OTOS: variants seen among roughly 807,000 people sequenced by gnomAD.
OTOS encodes otospiralin.
OTOS carries 14 observed loss-of-function variants against 12.5 expected under a neutral mutation model. That is an observed-to-expected ratio of 1.12 (90% CI 0.74 to 1.76). The LOEUF (loss-of-function observed/expected upper bound fraction) is 1.76, where lower values mean the gene tolerates loss of function less well. Ranked by LOEUF, OTOS falls within the 40% of genes most tolerant of loss-of-function variation. OTOS has a pLI of 0.00. For missense variants in OTOS, 141 were observed against 112.8 expected (o/e 1.25, Z -1.13); for synonymous variants, 49 against 47.6 (o/e 1.03, Z -0.12).
Position 240,139,204 on chromosome 2 carries a change from G to A in OTOS, c.236C>T (p.Thr79Met), listed in dbSNP as rs193100067. The A allele has an allele frequency of 2.7e-5, 43 of 1,614,012 alleles. No homozygotes were observed. In the Middle Eastern group the frequency reaches 5.0e-4, roughly 19 times the overall value. Residue 79 changes from threonine to methionine, a missense_variant, in exon 4 of 4, where the codon ACG becomes ATG. Coordinates refer to ENST00000319460, the MANE Select transcript of OTOS (RefSeq NM_148961.4). ...CTGATAGGGAACGTGGAAGCCCAGC[G>A]TGCTCCCCAGGGGGAAGTGGGCAAA... is the stretch of plus-strand genomic sequence containing the variant. The part of the protein sequence containing the change: ...TFFAHFPLGS[T>M]LGFHVPYQED
chr2:240,139,814 C>T (rs1265078601), intron 3 of OTOS, among the ~76,000 whole-genome samples: 1 of 152,124 alleles, frequency 6.6e-6, no homozygotes, highest in Non-Finnish European at 1.5e-5. Flanking sequence ...GGCCCTGGCT[C>T]CCCCTGCCCA....
chr2:240,140,461 G>A lies in OTOS; in HGVS notation c.-118-17C>T. On this transcript the variant is annotated splice_polypyrimidine_tract_variant and intron_variant, in intron 1 of 3. Transcript: ENST00000319460. ...TGGGCAGCCCTGGGGAAAATGGCATGGATTTAAAAAAAAAATTCTTACTGT... is the reference window on the plus strand; with the variant it reads ...TGGGCAGCCCTGGGGAAAATGGCATAGATTTAAAAAAAAAATTCTTACTGT... 2 of 852,352 alleles carry A rather than the reference G, an allele frequency of 2.3e-6. No homozygotes were observed. The highest frequency in any genetic ancestry group is 4.2e-5 in the South Asian group (2 of 48,192). The allele number at this position is 852,352 out of a possible 1,614,324, so 52.8% of individuals were successfully genotyped here.
In OTOS at chr2:240,140,276, A is replaced by AGGCCCCAGTAGGAGGCAGAGGGCC; in HGVS notation, c.27_50dup (p.Ala10_Pro17dup). ...TCCAGAGCGGCCCCTCACCTGCAAGAGGCCCCAGTAGGAGGCAGAGGGCCA... is the reference window on the plus strand; with the variant it reads ...TCCAGAGCGGCCCCTCACCTGCAAGAGGCCCCAGTAGGAGGCAGAGGGCCGGCCCCAGTAGGAGGCAGAGGGCCA... On this transcript the variant is annotated inframe_insertion, in exon 2 of 4. Coordinates refer to ENST00000319460, the MANE Select transcript of OTOS (RefSeq NM_148961.4). 6.3e-7 allele frequency: 1 copy of AGGCCCCAGTAGGAGGCAGAGGGCC among 1,594,904 alleles called. No individual in the cohort carries two copies. The highest frequency in any genetic ancestry group is 8.5e-7 in the Non-Finnish European group (1 of 1,170,606).
rs751382462 is a variant in OTOS, at chr2:240,140,340, C to T, written c.-14G>A. The T allele has an allele frequency of 7.0e-6, 11 of 1,571,906 alleles. No individual in the cohort carries two copies. The highest frequency in any genetic ancestry group is 9.5e-6 in the Non-Finnish European group (11 of 1,157,708). ...GCAGGCCTGCATCTTCCCGGTGCTT[C>T]CTGATCTGCGACTCAGGCCCACCTG... On this transcript the variant is annotated 5_prime_UTR_variant, in exon 2 of 4. Transcript: ENST00000319460.
chr2:240,139,257 G>A lies in OTOS; in HGVS notation c.183C>T (p.Pro61=), dbSNP rs1207157899. Residue 61 remains proline, a synonymous_variant, in exon 4 of 4, where the codon CCC becomes CCT. Coordinates refer to ENST00000319460, the MANE Select transcript of OTOS (RefSeq NM_148961.4). ...VQHFQALGAY[P]QIEDMARTFF... ...AGGTTCGGGCCATGTCCTCGATCTG[G>A]GGGTAGGCCCCCAGGGCCTGGAAGT... 1 of 1,614,194 alleles carries A rather than the reference G, an allele frequency of 6.2e-7. No homozygotes were observed.
Position 240,139,228 on chromosome 2 carries a change from A to C in OTOS, c.212T>G (p.Phe71Cys). ...PQIEDMARTF[F>C]AHFPLGSTLG... The stretch of plus-strand genomic sequence containing the variant: ...CGTGCTCCCCAGGGGGAAGTGGGCA[A>C]AGAAGGTTCGGGCCATGTCCTCGAT... The change falls in exon 4 of 4, where the codon TTT becomes TGT. Residue 71 changes from phenylalanine to cysteine, a missense_variant. Physicochemically the swap from Phe to Cys is radical, Grantham distance 205 (BLOSUM62 -2). Coordinates refer to ENST00000319460, the MANE Select transcript of OTOS (RefSeq NM_148961.4). 6.2e-7 allele frequency: 1 copy of C among 1,614,170 alleles called. No individual in the cohort carries two copies. The highest frequency in any genetic ancestry group is 8.5e-7 in the Non-Finnish European group (1 of 1,180,024).
Position 240,140,400 on chromosome 2 carries a change from A to G in OTOS, c.-74T>C. On this transcript the variant is annotated 5_prime_UTR_variant, in exon 2 of 4. An upstream start codon of the reference 5' UTR is lost. Transcript: ENST00000319460. Reference sequence around the variant, plus strand: ...GAACCCAGGAAGGGCGAGACCACCCATCCGTCAGGGCCGGCTTCCTCTACC... The same window carrying G: ...GAACCCAGGAAGGGCGAGACCACCCGTCCGTCAGGGCCGGCTTCCTCTACC... 1.4e-6 allele frequency: 2 copies of G among 1,460,956 alleles called. No individual in the cohort carries two copies. The highest frequency in any genetic ancestry group is 1.8e-6 in the Non-Finnish European group (2 of 1,087,374). 90.5% of individuals were successfully genotyped at this position (1,460,956 alleles called of 1,614,324 possible).
rs1262761660 is a variant in OTOS at position 240,139,134 on chromosome 2, C to A, written c.*36G>T. On this transcript the variant is annotated 3_prime_UTR_variant, in exon 4 of 4. Coordinates refer to ENST00000319460, the MANE Select transcript of OTOS (RefSeq NM_148961.4). ...CCTGTGGAGGCCCGACCGAGTGCAG[C>A]CTGGCGGGGTGGGCGGGCACCAGGC... 6.3e-7 allele frequency: 1 copy of A among 1,596,714 alleles called. No individual in the cohort carries two copies. Among genetic ancestry groups the A allele is most frequent in the Non-Finnish European group, 8.6e-7 (1 of 1,169,000 alleles).
In OTOS at chr2:240,140,166, G is replaced by A. The variant is rs1204154692; in HGVS notation, c.59-78C>T. 2.4e-5 allele frequency: 38 copies of A among 1,600,634 alleles called. No individual in the cohort carries two copies. The East Asian group carries it at 8.5e-4, about 36-fold the overall frequency. ...GGGCCCACCCGACACCAGCTGCAGG[G>A]CTCTAAGGTTTCCTAGCAGCCTGGG... On this transcript the variant is annotated intron_variant, in intron 2 of 3. Transcript: ENST00000319460.
At chr2:240,139,604 G>T (rs2072036426) in intron 3 of OTOS, among the ~76,000 whole-genome samples, 1 of 152,112 alleles carries the variant, frequency 6.6e-6, no homozygotes, top group African/African-American at 2.4e-5. Context: ...AGTTGTGTGG[G>T]GAGGGTGTGG....
Position 240,140,306 on chromosome 2 carries a change from C to T in OTOS, c.21G>A (p.Pro7=), listed in dbSNP as rs75487732. 60 of 1,595,448 alleles carry T rather than the reference C, an allele frequency of 3.8e-5. No individual in the cohort carries two copies. The East Asian group carries it at 1.1e-3, about 30-fold the overall frequency. Reference sequence around the variant, plus strand: ...CCAGTAGGAGGCAGAGGGCCAGCCCCGGCACCATGCAGGCCTGCATCTTCC... The same window carrying T: ...CCAGTAGGAGGCAGAGGGCCAGCCCTGGCACCATGCAGGCCTGCATCTTCC... MQACMV[P]GLALCLLLGP... The change falls in exon 2 of 4, where the codon CCG becomes CCA. Residue 7 remains proline, a synonymous_variant. Transcript: ENST00000319460.
At position 240,140,314 on chromosome 2, in the gene OTOS, T is replaced by C; in HGVS notation, c.13A>G (p.Met5Val). The change falls in exon 2 of 4, where the codon ATG becomes GTG. Residue 5 changes from methionine (M) to valine (V), a missense_variant. By Grantham distance (21) the Met-to-Val change is conservative. Coordinates refer to ENST00000319460, the MANE Select transcript of OTOS (RefSeq NM_148961.4). ...AGGCAGAGGGCCAGCCCCGGCACCA[T>C]GCAGGCCTGCATCTTCCCGGTGCTT... MQACMVPGLALCLLL... is the reference protein window; with the variant it reads MQACVVPGLALCLLL... 2.5e-6 allele frequency: 4 copies of C among 1,593,794 alleles called. No homozygotes were observed. In the South Asian group the frequency reaches 3.4e-5, roughly 14 times the overall value.
intron 2 of OTOS, 40 bp from the exon 3 acceptor site, chr2:240,140,128 C>A: frequency 6.2e-7 from 1 of 1,611,326 alleles, no homozygotes. Flanking sequence ...GGAGGACCAC[C>A]CAGGTGCCGG....
chr2:240,139,085 C>A lies in OTOS; in HGVS notation c.*85G>T. ...AGACCAGGCCTGACTCCTGCAGGGG[C>A]CAGGTTTTTGCGGGGACTCCATGCC... On this transcript the variant is annotated 3_prime_UTR_variant, in exon 4 of 4. Coordinates refer to ENST00000319460, the MANE Select transcript of OTOS (RefSeq NM_148961.4). 7.0e-7 allele frequency: 1 copy of A among 1,438,014 alleles called. No individual in the cohort carries two copies. The highest frequency in any genetic ancestry group is 9.5e-7 in the Non-Finnish European group (1 of 1,054,338). 89.1% of individuals were successfully genotyped at this position (1,438,014 alleles called of 1,614,324 possible).
At position 240,139,062 on chromosome 2, in the gene OTOS, A is replaced by T; in HGVS notation, c.*108T>A. On this transcript the variant is annotated 3_prime_UTR_variant, in exon 4 of 4. Transcript: ENST00000319460. ...CAGTCCGGAGTTTATTGAGCGTGAG[A>T]CCAGGCCTGACTCCTGCAGGGGCCA... 1 of 1,206,436 alleles carries T rather than the reference A, an allele frequency of 8.3e-7. No individual in the cohort carries two copies. The highest frequency in any genetic ancestry group is 1.2e-6 in the Non-Finnish European group (1 of 866,026). 74.7% of individuals were successfully genotyped at this position (1,206,436 alleles called of 1,614,324 possible). A position where few individuals can be genotyped will look rare whatever the true frequency, so the allele number is the denominator to read the frequency against.
intron 2 of OTOS, 55 bp downstream of exon 2, chr2:240,140,214 A>G (rs1309214217): frequency 1.9e-6 from 3 of 1,588,122 alleles, no homozygotes; most frequent in Non-Finnish European, 2.6e-6. Context: ...AGGGGAGAGA[A>G]CAGGAGGGCT....
intron 3 of OTOS, 110 bp downstream of exon 3, chr2:240,139,952 C>G: frequency 7.7e-7 from 1 of 1,290,542 alleles, no homozygotes; most frequent in Non-Finnish European, 1.1e-6. Flanking sequence ...TGAGCCAGGG[C>G]CCCTGATGCG....
At position 240,140,445 on chromosome 2, in the gene OTOS, C is replaced by G; in HGVS notation, c.-118-1G>C. The stretch of plus-strand genomic sequence containing the variant: ...TCTACCAGTCCCAGTGTGGGCAGCC[C>G]TGGGGAAAATGGCATGGATTTAAAA... On this transcript the variant is annotated splice_acceptor_variant, in intron 1 of 3. Transcript: ENST00000319460. LOFTEE classifies it low-confidence loss of function (5UTR_SPLICE). 9.4e-7 allele frequency: 1 copy of G among 1,062,176 alleles called. No homozygotes were observed. 65.8% of individuals were successfully genotyped at this position (1,062,176 alleles called of 1,614,324 possible).
rs866108660 is a variant in OTOS at position 240,139,921 on chromosome 2, T to G, written c.85+141A>C. 1.0e-5 allele frequency: 10 copies of G among 970,224 alleles called. No homozygotes were observed. In the African/African-American group the frequency reaches 1.2e-4, roughly 11 times the overall value. The allele number at this position is 970,224 out of a possible 1,614,324, so 60.1% of individuals were successfully genotyped here. A position where few individuals can be genotyped will look rare whatever the true frequency, so the allele number is the denominator to read the frequency against. Reference sequence around the variant, plus strand: ...CCAAGCTGGCTCTCAAGGGCCATGTTTTCCATGCTTGGGCCTGAGCTGAGC... The same window carrying G: ...CCAAGCTGGCTCTCAAGGGCCATGTGTTCCATGCTTGGGCCTGAGCTGAGC... On this transcript the variant is annotated intron_variant, in intron 3 of 3. Transcript: ENST00000319460.
Sources: allele counts gnomAD v4.1 joint callset (sites outside exome capture counted in the v4.1 genomes callset), GRCh38; gene constraint gnomAD v4.1.1; transcripts MANE v1.5; gene names NCBI Gene and HGNC (gene_info 2026-07-23, HGNC 2026-07-21).